Variants in ZMYM4 observed in about 807,000 individuals in gnomAD.
ZMYM4 encodes the protein zinc finger MYM-type protein 4.
A neutral mutation model predicts 183.2 loss-of-function variants in ZMYM4; 31 were observed. The observed-to-expected ratio is 0.17, with a 90% CI of 0.13 to 0.23. The LOEUF (loss-of-function observed/expected upper bound fraction) is 0.23, where lower values mean the gene tolerates loss of function less well. Among genes scored for constraint, ZMYM4 ranks in the 10% least tolerant of loss-of-function variants. The pLI, the probability that ZMYM4 is intolerant of heterozygous loss-of-function variation, is 1.00. For synonymous variants in ZMYM4, 592 were observed against 631.2 expected, an observed-to-expected ratio of 0.94 and a Z score of 0.93; for missense variants, 1,273 against 1,840.3, an observed-to-expected ratio of 0.69 and a Z score of 5.64.
intron 1 of ZMYM4, among the ~76,000 whole-genome samples, chr1:35,277,190 C>A (rs12087292): frequency 0.052 from 7,899 of 152,094 alleles, 823 homozygotes; most frequent in East Asian, 0.43. Flanking sequence ...TTAATCAGAG[C>A]CCATGAGGTA....
Position 35,268,958 on chromosome 1 carries a change from C to T in ZMYM4, c.-89C>T. On this transcript the variant is annotated 5_prime_UTR_variant, in exon 1 of 30. Coordinates refer to ENST00000314607, the MANE Select transcript of ZMYM4 (RefSeq NM_005095.3). The stretch of plus-strand genomic sequence containing the variant: ...TCCGGGGAAGCTGCCGCGAGGCGGC[C>T]GTGCCTGCAGTGTGGGCGGGGGCCG... 7.5e-7 allele frequency: 1 copy of T among 1,334,566 alleles called. No homozygotes were observed. Among genetic ancestry groups the T allele is most frequent in the Non-Finnish European group, 9.6e-7 (1 of 1,037,380 alleles). 82.7% of individuals were successfully genotyped at this position (1,334,566 alleles called of 1,614,324 possible). A position where few individuals can be genotyped will look rare whatever the true frequency, so the allele number is the denominator to read the frequency against.
intron 4 of ZMYM4, 59 bp from the exon 5 acceptor site, chr1:35,361,560 C>T: frequency 6.5e-7 from 1 of 1,548,584 alleles, no homozygotes; most frequent in South Asian, 1.2e-5. Context: ...GGGTGTTAAA[C>T]CTGAAGAGGA....
At chr1:35,293,329 T>G (rs1452863232) in intron 1 of ZMYM4, among the ~76,000 whole-genome samples, 1 of 152,034 alleles carries the variant, frequency 6.6e-6, no homozygotes, top group African/African-American at 2.4e-5. Context: ...TGTTTTTGTT[T>G]TTGAGACAGA....
At chr1:35,270,940 C>T (rs1231383895) in intron 1 of ZMYM4, among the ~76,000 whole-genome samples, 2 of 152,072 alleles carry the variant, frequency 1.3e-5, no homozygotes, top group East Asian at 3.9e-4. Context: ...TTGGATTCAC[C>T]TAATGCAATA....
intron 1 of ZMYM4, among the ~76,000 whole-genome samples, chr1:35,322,599 A>C (rs1642330148): frequency 6.6e-6 from 1 of 152,116 alleles, no homozygotes; most frequent in Non-Finnish European, 1.5e-5. Context: ...TGACGAGAAA[A>C]GTTTCAGTAG....
In ZMYM4 at chr1:35,269,070, CG is replaced by C. The variant is rs1639454317; in HGVS notation, c.26del (p.Gly9AlafsTer18). ...ACATGGCGGAGAGAGAGGTGGAGTCCGGCCCCCGAAAGAGGGTAGGTGAGGT... is the reference window on the plus strand; with the variant it reads ...ACATGGCGGAGAGAGAGGTGGAGTCCGCCCCCGAAAGAGGGTAGGTGAGGT... MAEREVES[G>X]PRKRFEQKSG... On this transcript the variant is annotated frameshift_variant, in exon 1 of 30. Coordinates refer to ENST00000314607, the MANE Select transcript of ZMYM4 (RefSeq NM_005095.3). LOFTEE classifies it high-confidence loss of function. 6.5e-7 allele frequency: 1 copy of C among 1,549,306 alleles called. No homozygotes were observed. The highest frequency in any genetic ancestry group is 8.7e-7 in the Non-Finnish European group (1 of 1,146,694).
chr1:35,390,068 G>A lies in ZMYM4; in HGVS notation c.2557G>A (p.Val853Ile), dbSNP rs762086134. The change falls in exon 15 of 30, where the codon GTA becomes ATA. Residue 853 changes from valine (V) to isoleucine (I), a missense_variant. Physicochemically the swap from Val to Ile is conservative, Grantham distance 29 (BLOSUM62 3). Coordinates refer to ENST00000314607, the MANE Select transcript of ZMYM4 (RefSeq NM_005095.3). ...CTTGATGTTCTGTAATCAGCAAAGT[G>A]TATGTGACCCGCCTTCACAAAATAA... ...CILMFCNQQS[V>I]CDPPSQNNAA... 6.2e-7 allele frequency: 1 copy of A among 1,613,740 alleles called. No individual in the cohort carries two copies. The highest frequency in any genetic ancestry group is 1.1e-5 in the South Asian group (1 of 91,034).
At chr1:35,386,256 A>G (rs1200021974) in intron 11 of ZMYM4, 67 bp downstream of exon 11, 1 of 1,153,962 alleles carries the variant, frequency 8.7e-7, no homozygotes, top group Non-Finnish European at 1.3e-6. Context: ...CTGTTCTTGC[A>G]CTCCTCTAAA....
At position 35,322,378 on chromosome 1, in the gene ZMYM4, C is replaced by CT. The variant is rs1470216105; in HGVS notation, c.40-2977dup. Among the ~76,000 whole-genome samples, 4 of 151,998 alleles carry CT rather than the reference C, an allele frequency of 2.6e-5. No homozygotes were observed. In the East Asian group the frequency reaches 7.7e-4, roughly 29 times the overall value. ...TTTAAAATCTTTTTCATGAAGATCTCTTTTTCTGGTTAAAAGACTTTTCTA... is the reference window on the plus strand; with the variant it reads ...TTTAAAATCTTTTTCATGAAGATCTCTTTTTTCTGGTTAAAAGACTTTTCTA... On this transcript the variant is annotated intron_variant, in intron 1 of 29. Coordinates refer to ENST00000314607, the MANE Select transcript of ZMYM4 (RefSeq NM_005095.3).
At position 35,378,319 on chromosome 1, in the gene ZMYM4, C is replaced by A. The variant is rs533838490; in HGVS notation, c.1182-2940C>A. 3.9e-5 allele frequency among the ~76,000 whole-genome samples: 6 copies of A among 152,344 alleles called. No individual in the cohort carries two copies. In the South Asian group the frequency reaches 1.2e-3, roughly 32 times the overall value. Reference sequence around the variant, plus strand: ...TAATCATGAATGTTCTTAATGTCATCTGGAATGGTGAATCCTTTCCAGAAG... The same window carrying A: ...TAATCATGAATGTTCTTAATGTCATATGGAATGGTGAATCCTTTCCAGAAG... On this transcript the variant is annotated intron_variant, in intron 7 of 29. Coordinates refer to ENST00000314607, the MANE Select transcript of ZMYM4 (RefSeq NM_005095.3).
intron 23 of ZMYM4, among the ~76,000 whole-genome samples, chr1:35,404,550 T>C (rs975881807): frequency 1.3e-5 from 2 of 152,244 alleles, no homozygotes; most frequent in Admixed American, 6.5e-5. Flanking sequence ...GCATGTGTCC[T>C]TTCTTCTTTG....
intron 1 of ZMYM4, among the ~76,000 whole-genome samples, chr1:35,310,770 GTTTT>G (rs1641758119): frequency 2.6e-5 from 4 of 151,932 alleles, no homozygotes; most frequent in Admixed American, 2.6e-4. Flanking sequence ...TAGAGACAAG[GTTTT>G]ACCATGTTGG....
At position 35,421,588 on chromosome 1, in the gene ZMYM4, T is replaced by C. The variant is rs776562155; in HGVS notation, c.*1911T>C. ...TTATGAAATACCAGAAAAAAAAATC[T>C]GTATCTTTTACTGAGAACACCCAAT... On this transcript the variant is annotated 3_prime_UTR_variant, in exon 30 of 30. Coordinates refer to ENST00000314607, the MANE Select transcript of ZMYM4 (RefSeq NM_005095.3). 6.6e-6 allele frequency: 1 copy of C among 152,230 alleles called. No homozygotes were observed. The highest frequency in any genetic ancestry group is 1.5e-5 in the Non-Finnish European group (1 of 68,036). The allele number at this position is 152,230 out of a possible 1,614,324, so 9.4% of individuals were successfully genotyped here.
Position 35,270,085 on chromosome 1 carries a change from T to C in ZMYM4, c.39+1000T>C, listed in dbSNP as rs188572580. 1.1e-3 allele frequency among the ~76,000 whole-genome samples: 170 copies of C among 152,320 alleles called. 1 individual carries two copies. The highest frequency in any genetic ancestry group is 3.4e-3 in the Middle Eastern group (1 of 294). ...ATGCTACAGCTGATGTTTTGAGTGC[T>C]TACTGTGTGCCTGGCACTGAGCTAA... On this transcript the variant is annotated intron_variant, in intron 1 of 29. Transcript: ENST00000314607.
intron 1 of ZMYM4, among the ~76,000 whole-genome samples, chr1:35,273,322 A>G (rs575482095): frequency 1.3e-5 from 2 of 152,290 alleles, no homozygotes; most frequent in South Asian, 4.1e-4. Flanking sequence ...CATATTATTT[A>G]ATTTTTTTAG....
intron 22 of ZMYM4, 146 bp downstream of exon 22, chr1:35,399,189 C>A: frequency 1.1e-6 from 1 of 928,546 alleles, no homozygotes; most frequent in Non-Finnish European, 1.6e-6. Flanking sequence ...ACAAATAGAC[C>A]CTGGCTTTGT....
chr1:35,290,937 T>G (rs1328296464), intron 1 of ZMYM4, among the ~76,000 whole-genome samples: 2 of 152,228 alleles, frequency 1.3e-5, no homozygotes, highest in Non-Finnish European at 2.9e-5. Context: ...GAAATTAAAT[T>G]ACTGGTTCAG....
At chr1:35,284,915 T>C (rs1411228187) in intron 1 of ZMYM4, among the ~76,000 whole-genome samples, 1 of 152,094 alleles carries the variant, frequency 6.6e-6, no homozygotes, top group African/African-American at 2.4e-5. Flanking sequence ...CTCCAAGTAT[T>C]ATTACATGGG....
At chr1:35,349,038 C>T (rs766897432) in intron 2 of ZMYM4, among the ~76,000 whole-genome samples, 14 of 152,100 alleles carry the variant, frequency 9.2e-5, no homozygotes, top group Admixed American at 1.3e-4. Flanking sequence ...CTCTGTCACC[C>T]GGGCTGGAGT....
Sources: allele counts gnomAD v4.1 joint callset (sites outside exome capture counted in the v4.1 genomes callset), GRCh38; gene constraint gnomAD v4.1.1; transcripts MANE v1.5; gene names NCBI Gene and HGNC (gene_info 2026-07-23, HGNC 2026-07-21).